Variants in ROBO1 observed in about 807,000 individuals in gnomAD.
ROBO1 encodes roundabout guidance receptor 1.
In ROBO1, 149 loss-of-function variants were observed where a neutral mutation model predicts 195.9. The ratio of observed to expected loss-of-function variants is 0.76; its 90% CI spans 0.67 to 0.87. The LOEUF is 0.87. Among genes scored for constraint, ROBO1 ranks in the 40% least tolerant of loss-of-function variants. ROBO1 has a pLI of 0.00. For missense variants in ROBO1, 1,933 were observed against 2,068.3 expected (o/e 0.93, Z 1.27); for synonymous variants, 816 against 733.2 (o/e 1.11, Z -1.82).
intron 3 of ROBO1, among the ~76,000 whole-genome samples, chr3:79,117,951 AT>A (rs1200939582): frequency 1.3e-5 from 2 of 152,210 alleles, no homozygotes; most frequent in Non-Finnish European, 2.9e-5. Context: ...AGACTGCCAA[AT>A]ATTTCCTTTC....
At position 79,735,913 on chromosome 3, in the gene ROBO1, ACTGC is replaced by A. The variant is rs576516115; in HGVS notation, c.-51+31835_-51+31838del. 9.9e-5 allele frequency among the ~76,000 whole-genome samples: 15 copies of A among 151,944 alleles called. No homozygotes were observed. The East Asian group carries it at 2.9e-3, about 29-fold the overall frequency. ...AAAAAAAAAACAAAAAATGCCTGAC[ACTGC>A]CTCATAGATTCATTCAGGTATCTTG... On this transcript the variant is annotated intron_variant, in intron 1 of 30. Coordinates refer to ENST00000464233, the MANE Select transcript of ROBO1 (RefSeq NM_002941.4).
At chr3:79,450,799 A>G (rs909436842) in intron 2 of ROBO1, among the ~76,000 whole-genome samples, 1 of 151,918 alleles carries the variant, frequency 6.6e-6, no homozygotes, top group South Asian at 2.1e-4. Flanking sequence ...TCATTTTTTG[A>G]CAACTAAATG....
intron 2 of ROBO1, among the ~76,000 whole-genome samples, chr3:79,453,204 G>C (rs1418151358): frequency 6.6e-6 from 1 of 152,130 alleles, no homozygotes; most frequent in South Asian, 2.1e-4. Context: ...TGCTCTGAGT[G>C]AAAGTAGATT....
chr3:78,795,449 T>A (rs2084156770), intron 4 of ROBO1, among the ~76,000 whole-genome samples: 1 of 152,308 alleles, frequency 6.6e-6, no homozygotes, highest in African/African-American at 2.4e-5. Context: ...CAGCTTTGCA[T>A]ACAGGAACAA....
Position 79,550,195 on chromosome 3 carries a change from GGAAAAGAAAAGAAAAGAAAA to G in ROBO1, c.88+39609_88+39628del, listed in dbSNP as rs58751236. 5.5e-4 allele frequency among the ~76,000 whole-genome samples: 55 copies of G among 100,838 alleles called. 1 individual carries two copies. Among genetic ancestry groups the G allele is most frequent in the African/African-American group, 1.8e-3 (38 of 21,442 alleles). The allele number at this position is 100,838 out of a possible 152,430, so 66.2% of individuals were successfully genotyped here. On this transcript the variant is annotated intron_variant, in intron 2 of 30. Transcript: ENST00000464233. ...AGAAAGAAAGAAAGAAAGAAAGAAA[GGAAAAGAAAAGAAAAGAAAA>G]GAAAAGAAAAGAAAAGAAAAGAAAA... is the stretch of plus-strand genomic sequence containing the variant.
chr3:79,733,395 C>T (rs1434937803), intron 1 of ROBO1, among the ~76,000 whole-genome samples: 1 of 151,972 alleles, frequency 6.6e-6, no homozygotes, highest in East Asian at 1.9e-4. Context: ...AACATTTTTT[C>T]CCTTGTGAGA....
intron 4 of ROBO1, among the ~76,000 whole-genome samples, chr3:78,915,845 A>C (rs1443783772): frequency 6.6e-6 from 1 of 152,094 alleles, no homozygotes; most frequent in Non-Finnish European, 1.5e-5. Context: ...GTTTATAGAG[A>C]TGAGGTCTCA....
At chr3:78,953,567 T>C (rs1309929965) in intron 3 of ROBO1, among the ~76,000 whole-genome samples, 3 of 151,768 alleles carry the variant, frequency 2.0e-5, no homozygotes, top group African/African-American at 7.3e-5. Context: ...TTAACAAGAA[T>C]AATATTGAAA....
chr3:78,658,291 TATTA>T (rs1409365810), intron 17 of ROBO1, among the ~76,000 whole-genome samples: 1 of 152,154 alleles, frequency 6.6e-6, no homozygotes, highest in East Asian at 1.9e-4. Context: ...TGCTCATTAT[TATTA>T]ATTATTATCA....
At chr3:79,679,974 A>G (rs1946896079) in intron 1 of ROBO1, among the ~76,000 whole-genome samples, 1 of 152,032 alleles carries the variant, frequency 6.6e-6, no homozygotes, top group Non-Finnish European at 1.5e-5. Flanking sequence ...ATAGTGAATC[A>G]GCTCAGCATA....
chr3:79,022,705 C>A (rs573226642), intron 3 of ROBO1, among the ~76,000 whole-genome samples: 1 of 152,262 alleles, frequency 6.6e-6, no homozygotes, highest in African/African-American at 2.4e-5. Flanking sequence ...CTCAGGAACC[C>A]TTTTCTGATC....
At chr3:78,800,858 C>A (rs528561380) in intron 4 of ROBO1, among the ~76,000 whole-genome samples, 8 of 152,114 alleles carry the variant, frequency 5.3e-5, no homozygotes, top group Non-Finnish European at 1.0e-4. Context: ...GCCACCACAC[C>A]TGGCCTAAAT....
chr3:78,694,321 G>A (rs2107881160), intron 8 of ROBO1, among the ~76,000 whole-genome samples: 1 of 152,052 alleles, frequency 6.6e-6, no homozygotes, highest in East Asian at 1.9e-4. Context: ...AACTTCCATA[G>A]CTTTCAGCAA....
chr3:79,606,542 A>T (rs769085089), intron 1 of ROBO1, among the ~76,000 whole-genome samples: 1 of 151,908 alleles, frequency 6.6e-6, no homozygotes, highest in African/African-American at 2.4e-5. Flanking sequence ...CCTTCTGAGT[A>T]GCTGGCACTA....
chr3:79,137,788 ACCT>A (rs1322818889), intron 2 of ROBO1, among the ~76,000 whole-genome samples: 1 of 151,668 alleles, frequency 6.6e-6, no homozygotes, highest in African/African-American at 2.4e-5. Context: ...ACACACCATG[ACCT>A]CCTTTTATTC....
chr3:78,821,941 A>G (rs1179446304), intron 4 of ROBO1, among the ~76,000 whole-genome samples: 2 of 152,102 alleles, frequency 1.3e-5, no homozygotes, highest in African/African-American at 4.8e-5. Context: ...GGTAGCATTC[A>G]TGAGCAGATA....
intron 4 of ROBO1, among the ~76,000 whole-genome samples, chr3:78,905,803 C>T (rs1048192628): frequency 6.6e-6 from 1 of 152,022 alleles, no homozygotes; most frequent in Non-Finnish European, 1.5e-5. Flanking sequence ...AAAGGAAGTA[C>T]GATTACTCAT....
chr3:78,949,656 C>T (rs1199479944), intron 3 of ROBO1, among the ~76,000 whole-genome samples: 8 of 151,942 alleles, frequency 5.3e-5, no homozygotes, highest in Non-Finnish European at 1.0e-4. Flanking sequence ...CCAAAATTGA[C>T]AAATGGGATC....
intron 8 of ROBO1, chr3:78,693,401 G>A: frequency 7.4e-7 from 1 of 1,356,002 alleles, no homozygotes; most frequent in Non-Finnish European, 1.0e-6. Flanking sequence ...ATAAAAATAA[G>A]GAAACATAAA....
Sources: allele counts gnomAD v4.1 joint callset (sites outside exome capture counted in the v4.1 genomes callset), GRCh38; gene constraint gnomAD v4.1.1; transcripts MANE v1.5; gene names NCBI Gene and HGNC (gene_info 2026-07-23, HGNC 2026-07-21).